The following HMGA1 variants were observed in gnomAD, a reference collection of about 807,000 sequenced individuals.
HMGA1 encodes the protein high mobility group protein HMG-I/HMG-Y.
Under a neutral mutation model 15.1 loss-of-function variants are expected in HMGA1, and 1 was observed. That is an observed-to-expected ratio of 0.07 (90% CI 0.02 to 0.31). HMGA1 has a LOEUF of 0.31. HMGA1 is among the 10% of genes least tolerant of loss of function. HMGA1 has a pLI of 1.00. For missense variants in HMGA1, 94 were observed against 141.4 expected (o/e 0.66, Z 1.70); for synonymous variants, 56 against 54.8 (o/e 1.02, Z -0.10).
rs1762708000 is a variant in HMGA1, at chr6:34,245,886, T to A, written c.*1002T>A. ...TGTTGTTTTTTGTTCAATGTTCCATTCTTCGACATCCGTCATTGCTGCTGC... is the reference window on the plus strand; with the variant it reads ...TGTTGTTTTTTGTTCAATGTTCCATACTTCGACATCCGTCATTGCTGCTGC... On this transcript the variant is annotated 3_prime_UTR_variant, in exon 6 of 6. Transcript: ENST00000311487. 3.1e-6 allele frequency: 1 copy of A among 320,420 alleles called. No homozygotes were observed. The allele number at this position is 320,420 out of a possible 1,614,324, so 19.8% of individuals were successfully genotyped here.
Position 34,245,319 on chromosome 6 carries a change from G to C in HMGA1, c.*435G>C, listed in dbSNP as rs1474506249. ...AGTGGGGCCTGGGAGGGTTCCCCTG[G>C]CCTTAAAAGGGGCCCAAGCCCCATC... On this transcript the variant is annotated 3_prime_UTR_variant, in exon 6 of 6. Transcript: ENST00000311487. The C allele has an allele frequency of 2.9e-6, 4 of 1,369,192 alleles. No homozygotes were observed. Among genetic ancestry groups the C allele is most frequent in the East Asian group, 3.4e-5 (1 of 29,410 alleles). The allele number at this position is 1,369,192 out of a possible 1,614,324, so 84.8% of individuals were successfully genotyped here.
At chr6:34,243,381 G>A in intron 4 of HMGA1, 87 bp from the exon 5 acceptor site, 1 of 1,022,970 alleles carries the variant, frequency 9.8e-7, no homozygotes, top group South Asian at 1.3e-5. Context: ...TGAACAGGCA[G>A]GTAGGTCTGC....
chr6:34,242,916 C>A, intron 4 of HMGA1, 121 bp downstream of exon 4: 4 of 748,758 alleles, frequency 5.3e-6, no homozygotes. Flanking sequence ...TTGTGTACCC[C>A]CTTCCCTGGT....
intron 2 of HMGA1, among the ~76,000 whole-genome samples, chr6:34,238,568 T>G (rs1395464210): frequency 6.6e-6 from 1 of 152,090 alleles, no homozygotes; most frequent in Non-Finnish European, 1.5e-5. Flanking sequence ...CTTAAGTATT[T>G]GAGGAGCACA....
intron 5 of HMGA1, among the ~76,000 whole-genome samples, chr6:34,243,872 G>A (rs1328992180): frequency 6.6e-6 from 1 of 152,118 alleles, no homozygotes; most frequent in Non-Finnish European, 1.5e-5. Flanking sequence ...GAAGCCATAG[G>A]GGGAAGGTTT....
Position 34,242,645 on chromosome 6 carries a change from G to A in HMGA1, c.136-67G>A. 7.4e-6 allele frequency: 8 copies of A among 1,076,754 alleles called. No homozygotes were observed. The South Asian group carries it at 1.1e-4, about 15-fold the overall frequency. The allele number at this position is 1,076,754 out of a possible 1,614,324, so 66.7% of individuals were successfully genotyped here. ...ACTTAACCTTGTTGAGGAGGCAGAG[G>A]GCTGTGTCTTCTGAGGGGGTGGAAA... On this transcript the variant is annotated intron_variant, in intron 3 of 5. Transcript: ENST00000311487.
In HMGA1 at chr6:34,245,603, C is replaced by G; in HGVS notation, c.*719C>G. 5.1e-6 allele frequency: 7 copies of G among 1,381,376 alleles called. No homozygotes were observed. The highest frequency in any genetic ancestry group is 6.8e-6 in the Non-Finnish European group (7 of 1,036,046). 85.6% of individuals were successfully genotyped at this position (1,381,376 alleles called of 1,614,324 possible). A position where few individuals can be genotyped will look rare whatever the true frequency, so the allele number is the denominator to read the frequency against. On this transcript the variant is annotated 3_prime_UTR_variant, in exon 6 of 6. Coordinates refer to ENST00000311487, the MANE Select transcript of HMGA1 (RefSeq NM_145899.3). ...TTGCCCTCCGCCTGGGATCTGAGTACATATTGTGGTGATGGAGATGCAGTC... is the reference window on the plus strand; with the variant it reads ...TTGCCCTCCGCCTGGGATCTGAGTAGATATTGTGGTGATGGAGATGCAGTC...
At position 34,245,887 on chromosome 6, in the gene HMGA1, C is replaced by T. The variant is rs540878901; in HGVS notation, c.*1003C>T. On this transcript the variant is annotated 3_prime_UTR_variant, in exon 6 of 6. Coordinates refer to ENST00000311487, the MANE Select transcript of HMGA1 (RefSeq NM_145899.3). ...GTTGTTTTTTGTTCAATGTTCCATT[C>T]TTCGACATCCGTCATTGCTGCTGCT... 119 of 317,464 alleles carry T rather than the reference C, an allele frequency of 3.7e-4. 2 individuals are homozygous for T. Among genetic ancestry groups the T allele is most frequent in the Middle Eastern group, 9.1e-4 (1 of 1,094 alleles). The allele number at this position is 317,464 out of a possible 1,614,324, so 19.7% of individuals were successfully genotyped here.
chr6:34,242,902 T>C, intron 4 of HMGA1, 107 bp downstream of exon 4: 1 of 801,606 alleles, frequency 1.2e-6, no homozygotes, highest in South Asian at 1.5e-5. Flanking sequence ...CTCAGTCATC[T>C]CAGTTGTGTA....
Position 34,241,997 on chromosome 6 carries a change from G to A in HMGA1, c.136-715G>A, listed in dbSNP as rs1203244955. The stretch of plus-strand genomic sequence containing the variant: ...CATGGTCAGTGGGAGGTGTCAGGAG[G>A]GGTGCAGGGTTACTGGACCCTGGTT... On this transcript the variant is annotated intron_variant, in intron 3 of 5. Transcript: ENST00000311487. Among the ~76,000 whole-genome samples the A allele has an allele frequency of 2.0e-5, 3 of 152,288 alleles. No homozygotes were observed. The East Asian group carries it at 5.8e-4, about 29-fold the overall frequency.
chr6:34,240,447 G>A (rs1230455067), intron 2 of HMGA1, among the ~76,000 whole-genome samples: 1 of 152,116 alleles, frequency 6.6e-6, no homozygotes, highest in African/African-American at 2.4e-5. Context: ...TGGGCTGGCT[G>A]TACCTCCTGG....
At chr6:34,240,951 C>T (rs367880290) in intron 3 of HMGA1, 36 bp downstream of exon 3, 16 of 1,612,618 alleles carry the variant, frequency 9.9e-6, no homozygotes, top group South Asian at 8.8e-5. Context: ...TTGGTTTACC[C>T]TTTGGGGCTA....
Position 34,245,189 on chromosome 6 carries a change from G to A in HMGA1, c.*305G>A. ...CTAACATCCCACTTAGCCGCACCCTGCACCTGCTGCGTCCCCACTCCCTTG... is the reference window on the plus strand; with the variant it reads ...CTAACATCCCACTTAGCCGCACCCTACACCTGCTGCGTCCCCACTCCCTTG... On this transcript the variant is annotated 3_prime_UTR_variant, in exon 6 of 6. Transcript: ENST00000311487. 9 of 1,424,636 alleles carry A rather than the reference G, an allele frequency of 6.3e-6. No homozygotes were observed. Among genetic ancestry groups the A allele is most frequent in the Non-Finnish European group, 7.4e-6 (8 of 1,075,584 alleles). The allele number at this position is 1,424,636 out of a possible 1,614,324, so 88.2% of individuals were successfully genotyped here. A position where few individuals can be genotyped will look rare whatever the true frequency, so the allele number is the denominator to read the frequency against.
At chr6:34,238,685 C>T (rs1044291870) in intron 2 of HMGA1, 1 of 152,208 alleles carries the variant, frequency 6.6e-6, no homozygotes, top group Non-Finnish European at 1.5e-5. Flanking sequence ...CAAGACAGGC[C>T]TCTGATGTTC....
In HMGA1 at chr6:34,240,904, G is replaced by A. The variant is rs1050728861; in HGVS notation, c.124G>A (p.Val42Ile). Residue 42 changes from valine to isoleucine, a missense_variant, in exon 3 of 6, where the codon GTA becomes ATA. Coordinates refer to ENST00000311487, the MANE Select transcript of HMGA1 (RefSeq NM_145899.3). ...QPPVSPGTAL[V>I]GSQKEPSEVP... ...TCCGGTGAGTCCCGGGACAGCGCTGGTAGGGAGTCAGGTGGGTGTCCAAAC... is the reference window on the plus strand; with the variant it reads ...TCCGGTGAGTCCCGGGACAGCGCTGATAGGGAGTCAGGTGGGTGTCCAAAC... 1.2e-6 allele frequency: 2 copies of A among 1,613,592 alleles called. No individual in the cohort carries two copies. Among genetic ancestry groups the A allele is most frequent in the African/African-American group, 2.7e-5 (2 of 74,900 alleles).
chr6:34,243,166 G>A (rs2127544910), intron 4 of HMGA1, among the ~76,000 whole-genome samples: 1 of 152,252 alleles, frequency 6.6e-6, no homozygotes, highest in South Asian at 2.1e-4. Context: ...AGGCAGCAAA[G>A]GCCAGATTCA....
chr6:34,238,210 G>A (rs774974781), intron 2 of HMGA1, among the ~76,000 whole-genome samples: 1 of 152,000 alleles, frequency 6.6e-6, no homozygotes, highest in Admixed American at 6.5e-5. Flanking sequence ...GCATGCGGTC[G>A]GGGTGCGCTG....
chr6:34,239,307 C>G (rs1762104409), intron 2 of HMGA1, among the ~76,000 whole-genome samples: 1 of 151,428 alleles, frequency 6.6e-6, no homozygotes, highest in African/African-American at 2.4e-5. Flanking sequence ...GGGAGTCCCA[C>G]CGTATTGTCC....
Position 34,244,994 on chromosome 6 carries a change from C to G in HMGA1, c.*110C>G. 6.5e-7 allele frequency: 1 copy of G among 1,544,696 alleles called. No individual in the cohort carries two copies. Among genetic ancestry groups the G allele is most frequent in the Admixed American group, 2.0e-5 (1 of 50,850 alleles). On this transcript the variant is annotated 3_prime_UTR_variant, in exon 6 of 6. Transcript: ENST00000311487. ...CCTTCCCCAGGCCCACCATCACCACCGCCTCTGGCCGCCACCCCCATCTTC... is the reference window on the plus strand; with the variant it reads ...CCTTCCCCAGGCCCACCATCACCACGGCCTCTGGCCGCCACCCCCATCTTC...
Sources: allele counts gnomAD v4.1 joint callset (sites outside exome capture counted in the v4.1 genomes callset), GRCh38; gene constraint gnomAD v4.1.1; transcripts MANE v1.5; gene names NCBI Gene and HGNC (gene_info 2026-07-23, HGNC 2026-07-21).